CRACDL: variants seen among roughly 807,000 people sequenced by gnomAD.
The protein encoded by CRACDL is CRACD-like protein.
A neutral mutation model predicts 70.6 loss-of-function variants in CRACDL; 26 were observed. The ratio of observed to expected loss-of-function variants is 0.37; its 90% confidence interval spans 0.27 to 0.51. The LOEUF (loss-of-function observed/expected upper bound fraction) is 0.51, where lower values mean the gene tolerates loss of function less well. CRACDL is among the 20% of genes least tolerant of loss of function. CRACDL has a pLI of 0.94. For synonymous variants in CRACDL, 618 were observed against 615.2 expected (o/e 1.00, Z -0.07); for missense variants, 1,283 against 1,376.9 (o/e 0.93, Z 1.08).
rs558013845 is a variant in CRACDL, at chr2:98,917,094, C to T, written c.-11+18844G>A. Among the ~76,000 whole-genome samples the T allele has an allele frequency of 2.6e-3, 402 of 152,340 alleles. 1 individual carries two copies. The highest frequency in any genetic ancestry group is 0.01 in the Middle Eastern group (3 of 294). ...GCCTTCTTCTCCCTCCGGCTCGGCC[C>T]ACTATCCTTCCTGCCTTCTTCATTT... On this transcript the variant is annotated intron_variant, in intron 1 of 9. Transcript: ENST00000397899.
At position 98,827,055 on chromosome 2, in the gene CRACDL, G is replaced by A. The variant is rs760358212; in HGVS notation, c.655C>T (p.Leu219=). 7.4e-6 allele frequency: 12 copies of A among 1,614,166 alleles called. No individual in the cohort carries two copies. The South Asian group carries it at 1.3e-4, about 18-fold the overall frequency. ...TTGTGCTTAGCTGCAGAGTTGTCCAGGCAGGAGGAGGATTCTGCAGGATAA... is the reference window on the plus strand; with the variant it reads ...TTGTGCTTAGCTGCAGAGTTGTCCAAGCAGGAGGAGGATTCTGCAGGATAA... The part of the protein sequence containing the change: ...FSYPAESSSC[L]DNSAAKHKLQ... Residue 219 remains leucine, a synonymous_variant, in exon 6 of 10, where the codon CTG becomes TTG. Transcript: ENST00000397899.
chr2:98,871,194 G>T (rs767578028), intron 1 of CRACDL, among the ~76,000 whole-genome samples: 2 of 152,166 alleles, frequency 1.3e-5, no homozygotes, highest in African/African-American at 4.8e-5. Flanking sequence ...CAAACGAAAA[G>T]GTCAGTGACA....
intron 1 of CRACDL, among the ~76,000 whole-genome samples, chr2:98,866,384 AT>A (rs1707141217): frequency 1.3e-5 from 2 of 152,040 alleles, no homozygotes; most frequent in African/African-American, 4.8e-5. Flanking sequence ...GTAGTGCTCA[AT>A]AAATATTGTT....
At chr2:98,868,259 A>C (rs976577293) in intron 1 of CRACDL, among the ~76,000 whole-genome samples, 3 of 152,190 alleles carry the variant, frequency 2.0e-5, no homozygotes, top group African/African-American at 7.2e-5. Flanking sequence ...AGCACCCTCC[A>C]AGCCCTGCTG....
chr2:98,896,805 T>C (rs1031670636), intron 1 of CRACDL, among the ~76,000 whole-genome samples: 3 of 152,174 alleles, frequency 2.0e-5, no homozygotes, highest in African/African-American at 7.2e-5. Flanking sequence ...TGGTTTTTAG[T>C]TTCTGTCTCT....
At chr2:98,919,779 G>T (rs976309434) in intron 1 of CRACDL, among the ~76,000 whole-genome samples, 2 of 152,104 alleles carry the variant, frequency 1.3e-5, no homozygotes, top group African/African-American at 2.4e-5. Context: ...CTGAAACAGG[G>T]TCTCACTCTG....
intron 6 of CRACDL, among the ~76,000 whole-genome samples, chr2:98,826,758 G>C (rs146650543): frequency 0.03 from 4,552 of 152,304 alleles, 89 homozygotes; most frequent in Middle Eastern, 0.065. Context: ...CAGACGGATG[G>C]ATGAATGAAT....
chr2:98,804,233 A>G (rs1478497619), intron 7 of CRACDL, among the ~76,000 whole-genome samples: 1 of 152,192 alleles, frequency 6.6e-6, no homozygotes. Flanking sequence ...GCAGGCCCCC[A>G]CTGCTAATGA....
chr2:98,853,907 T>C (rs949752561), intron 1 of CRACDL, among the ~76,000 whole-genome samples: 12 of 151,990 alleles, frequency 7.9e-5, no homozygotes, highest in African/African-American at 2.9e-4. Context: ...TAAAATAAAA[T>C]TTATAATGGA....
In CRACDL at chr2:98,822,986, G is replaced by T. The variant is rs761675428; in HGVS notation, c.1287C>A (p.Asp429Glu). Reference sequence around the variant, plus strand: ...CCTTCGGGACACTGCGTTCTGGCCCGTCGCGAGCAGAGGGCGCCTCTGAGG... The same window carrying T: ...CCTTCGGGACACTGCGTTCTGGCCCTTCGCGAGCAGAGGGCGCCTCTGAGG... ...AATSEAPSAR[D>E]GPERSVPKEA... The change falls in exon 7 of 10, where the codon GAC becomes GAA. Residue 429 changes from aspartate (D) to glutamate (E), a missense_variant. Physicochemically the swap from Asp to Glu is conservative, Grantham distance 45. Transcript: ENST00000397899. The surrounding 1 kb of genome is among the most constrained non-coding windows in gnomAD (Gnocchi z 4.9). 1 of 1,490,664 alleles carries T rather than the reference G, an allele frequency of 6.7e-7. No individual in the cohort carries two copies. The highest frequency in any genetic ancestry group is 8.9e-7 in the Non-Finnish European group (1 of 1,120,106). 92.3% of individuals were successfully genotyped at this position (1,490,664 alleles called of 1,614,324 possible).
At chr2:98,796,918 G>A (rs529737899) in intron 8 of CRACDL, among the ~76,000 whole-genome samples, 2 of 152,346 alleles carry the variant, frequency 1.3e-5, no homozygotes, top group South Asian at 4.1e-4. Context: ...GCATGTGGCC[G>A]GTGGAGCAGC....
rs1356846048 is a variant in CRACDL, at chr2:98,821,993, C to T, written c.2280G>A (p.Pro760=). The change falls in exon 7 of 10, where the codon CCG becomes CCA. Residue 760 remains proline (P), a synonymous_variant. Transcript: ENST00000397899. ...ARPPEPLSSK[P]PLPRKPLLQS... ...GCAGAAGCGGCTTCCGGGGCAGGGG[C>T]GGCTTGGAGCTGAGCGGCTCGGGGG... The T allele has an allele frequency of 2.0e-6, 3 of 1,528,596 alleles. No homozygotes were observed. The highest frequency in any genetic ancestry group is 2.6e-6 in the Non-Finnish European group (3 of 1,138,174). 94.7% of individuals were successfully genotyped at this position (1,528,596 alleles called of 1,614,324 possible).
Position 98,823,339 on chromosome 2 carries a change from G to GGCGGGCGCGTCTGGC in CRACDL, c.919_933dup (p.Ala307_Arg311dup). 6.7e-7 allele frequency: 1 copy of GGCGGGCGCGTCTGGC among 1,499,186 alleles called. No homozygotes were observed. The allele number at this position is 1,499,186 out of a possible 1,614,324, so 92.9% of individuals were successfully genotyped here. A position where few individuals can be genotyped will look rare whatever the true frequency, so the allele number is the denominator to read the frequency against. ...GCCGTGAGCGCGGAGGAGTGCTGCA[G>GGCGGGCGCGTCTGGC]GCGGGCGCGTCTGGCACGGGCCCCT... On this transcript the variant is annotated inframe_insertion, in exon 7 of 10. Coordinates refer to ENST00000397899, the MANE Select transcript of CRACDL (RefSeq NM_207362.3). The surrounding 1 kb of genome is among the most constrained non-coding windows in gnomAD (Gnocchi z 4.0).
intron 1 of CRACDL, among the ~76,000 whole-genome samples, chr2:98,867,160 A>T (rs1330474497): frequency 6.6e-6 from 1 of 152,144 alleles, no homozygotes; most frequent in Non-Finnish European, 1.5e-5. Flanking sequence ...TCATTCCAAC[A>T]CTCAGTCAGC....
intron 1 of CRACDL, among the ~76,000 whole-genome samples, chr2:98,921,630 A>G (rs923454407): frequency 5.9e-5 from 9 of 152,218 alleles, no homozygotes; most frequent in Non-Finnish European, 4.4e-5. Context: ...AAAACTCCAA[A>G]GTTCCTGAAA....
intron 1 of CRACDL, among the ~76,000 whole-genome samples, chr2:98,919,848 C>A (rs1355795912): frequency 6.6e-6 from 1 of 152,138 alleles, no homozygotes; most frequent in Non-Finnish European, 1.5e-5. Context: ...GAAGTCCTGG[C>A]CTTAAGCAAT....
At chr2:98,795,802 C>T (rs1703793823) in intron 9 of CRACDL, among the ~76,000 whole-genome samples, 1 of 152,162 alleles carries the variant, frequency 6.6e-6, no homozygotes. Context: ...AAAGACGGCC[C>T]TCTGTTTTCT....
chr2:98,920,326 T>C (rs1375930731), intron 1 of CRACDL, among the ~76,000 whole-genome samples: 3 of 152,184 alleles, frequency 2.0e-5, no homozygotes, highest in Non-Finnish European at 4.4e-5. Flanking sequence ...ACTGCCCACC[T>C]GTCACATCTA....
intron 3 of CRACDL, 77 bp from the exon 4 acceptor site, chr2:98,833,074 G>C: frequency 7.5e-7 from 1 of 1,338,832 alleles, no homozygotes; most frequent in Non-Finnish European, 1.0e-6. Context: ...ATGAGAAAGA[G>C]GGATGTGAGT....
Sources: gnomAD v4.1 joint callset for allele counts (sites outside exome capture counted in the v4.1 genomes callset) on GRCh38, gnomAD v4.1.1 for gene constraint, Gnocchi (gnomAD v3.1) non-coding constraint, MANE v1.5 for transcripts, NCBI Gene and HGNC (gene_info 2026-07-23, HGNC 2026-07-21) for gene names.